Variants in CDC42 observed in about 807,000 individuals in gnomAD.
The protein encoded by CDC42 is cell division control protein 42 homolog.
A neutral mutation model predicts 20.8 loss-of-function variants in CDC42; 1 was observed. The observed-to-expected ratio is 0.05, with a 90% CI of 0.02 to 0.23. The LOEUF is 0.23. Ranked by LOEUF, CDC42 falls within the 10% of genes least tolerant of loss-of-function variation. The probability of loss-of-function intolerance (pLI) is 1.00; values close to 1 mark genes in which losing one functional copy is unlikely to be tolerated. For synonymous variants in CDC42, 72 were observed against 84.8 expected (o/e 0.85, Z 0.83); for missense variants, 49 against 227.9 (o/e 0.21, Z 5.05).
chr1:22,070,490 G>A (rs71638824), intron 1 of CDC42, among the ~76,000 whole-genome samples: 16 of 104,560 alleles, frequency 1.5e-4, no homozygotes, highest in African/African-American at 6.0e-4. Context: ...TTGAGACAGA[G>A]TCTCGCTCTG....
At position 22,082,661 on chromosome 1, in the gene CDC42, T is replaced by C. The variant is rs1437135776; in HGVS notation, c.178+867T>C. On this transcript the variant is annotated intron_variant, in intron 3 of 5. Transcript: ENST00000656825. The stretch of plus-strand genomic sequence containing the variant: ...AAGTTAACATGTTGCTTCCATGGAA[T>C]GTGGTGTTACACTGTGTACCACGAG... Among the ~76,000 whole-genome samples the C allele has an allele frequency of 2.6e-5, 4 of 152,216 alleles. No individual in the cohort carries two copies. In the East Asian group the frequency reaches 7.7e-4, roughly 29 times the overall value.
At chr1:22,075,298 A>G (rs1247552617) in intron 1 of CDC42, among the ~76,000 whole-genome samples, 1 of 152,204 alleles carries the variant, frequency 6.6e-6, no homozygotes, top group Non-Finnish European at 1.5e-5. Context: ...TTGACTCTGA[A>G]ATGACCATCT....
In CDC42 at chr1:22,093,120, T is replaced by A. The variant is rs1179886241; in HGVS notation, c.*1603T>A. 6.6e-6 allele frequency among the ~76,000 whole-genome samples: 1 copy of A among 152,216 alleles called. No individual in the cohort carries two copies. Among genetic ancestry groups the A allele is most frequent in the Non-Finnish European group, 1.5e-5 (1 of 68,044 alleles). On this transcript the variant is annotated 3_prime_UTR_variant, in exon 6 of 6. Coordinates refer to ENST00000656825, the MANE Select transcript of CDC42 (RefSeq NM_001791.4). ...GAGATAATATTTAGCCCTCTATATG[T>A]TCAGGTTTGTGCTTTCTCCTCTAAG...
In CDC42 at chr1:22,096,419, C is replaced by T. The variant is rs547645068; in HGVS notation, c.*4902C>T. 6.6e-6 allele frequency among the ~76,000 whole-genome samples: 1 copy of T among 152,294 alleles called. No individual in the cohort carries two copies. Among genetic ancestry groups the T allele is most frequent in the Admixed American group, 6.5e-5 (1 of 15,298 alleles). On this transcript the variant is annotated 3_prime_UTR_variant, in exon 6 of 6. Coordinates refer to ENST00000656825, the MANE Select transcript of CDC42 (RefSeq NM_001791.4). ...TTGATAGCTGCTTTCTCTTGAATAA[C>T]TATGTCATCTCTTTCCACTTTGCAT...
At chr1:22,071,011 G>A (rs1468967758) in intron 1 of CDC42, among the ~76,000 whole-genome samples, 2 of 151,288 alleles carry the variant, frequency 1.3e-5, no homozygotes, top group Admixed American at 6.6e-5. Context: ...ATTTCTTTAC[G>A]GCACTGAGGA....
chr1:22,081,000 C>G (rs926047998), intron 2 of CDC42, among the ~76,000 whole-genome samples: 3 of 152,104 alleles, frequency 2.0e-5, no homozygotes. Context: ...GAAACTCTGT[C>G]TCTACTAAAA....
intron 1 of CDC42, among the ~76,000 whole-genome samples, chr1:22,068,083 A>C (rs1282330739): frequency 6.6e-6 from 1 of 152,120 alleles, no homozygotes; most frequent in Non-Finnish European, 1.5e-5. Flanking sequence ...CCCTGTCTCA[A>C]AAACAAAAAA....
At position 22,098,523 on chromosome 1, in the gene CDC42, C is replaced by T. The variant is rs1168509304; in HGVS notation, c.*7006C>T. Among the ~76,000 whole-genome samples the T allele has an allele frequency of 2.0e-5, 3 of 152,078 alleles. No homozygotes were observed. The highest frequency in any genetic ancestry group is 4.4e-5 in the Non-Finnish European group (3 of 68,002). ...GTTAAAAGGGTTCTGTGTAATGTTA[C>T]CTAAGAAGCTTATTTTTAAAAAAGG... On this transcript the variant is annotated 3_prime_UTR_variant, in exon 6 of 6. Coordinates refer to ENST00000656825, the MANE Select transcript of CDC42 (RefSeq NM_001791.4).
intron 5 of CDC42, chr1:22,090,035 T>G (rs1645700296): frequency 6.2e-7 from 1 of 1,613,526 alleles, no homozygotes. Context: ...TATTCTAAAC[T>G]GTTTTCTCCT....
intron 1 of CDC42, chr1:22,053,491 A>T (rs1645260920): frequency 6.6e-6 from 1 of 152,172 alleles, no homozygotes; most frequent in Admixed American, 6.5e-5. Flanking sequence ...GGTTTAGCTG[A>T]AGCTTCCCTT....
intron 1 of CDC42, among the ~76,000 whole-genome samples, chr1:22,072,849 G>T (rs886539763): frequency 6.6e-6 from 1 of 152,138 alleles, no homozygotes; most frequent in Admixed American, 6.5e-5. Flanking sequence ...AATATTTGGT[G>T]TATTACCAAA....
At position 22,101,359 on chromosome 1, in the gene CDC42, T is replaced by C. The variant is rs996296060; in HGVS notation, c.*9842T>C. On this transcript the variant is annotated 3_prime_UTR_variant, in exon 6 of 6. Coordinates refer to ENST00000656825, the MANE Select transcript of CDC42 (RefSeq NM_001791.4). ...TCATCTCAATAAAATGAGTTTCTGT[T>C]CCTTTTTGGTTTGTGTCTTTTTTTC... 1 of 152,222 alleles carries C rather than the reference T, an allele frequency of 6.6e-6. No homozygotes were observed. Among genetic ancestry groups the C allele is most frequent in the African/African-American group, 2.4e-5 (1 of 41,456 alleles). 9.4% of individuals were successfully genotyped at this position (152,222 alleles called of 1,614,324 possible).
chr1:22,073,369 T>A (rs1645513432), intron 1 of CDC42, among the ~76,000 whole-genome samples: 2 of 151,822 alleles, frequency 1.3e-5, no homozygotes, highest in Non-Finnish European at 2.9e-5. Flanking sequence ...AAACCCCGTC[T>A]CTACTAAAAA....
chr1:22,063,118 C>G (rs1265944233), intron 1 of CDC42, among the ~76,000 whole-genome samples: 1 of 151,682 alleles, frequency 6.6e-6, no homozygotes, highest in Non-Finnish European at 1.5e-5. Flanking sequence ...TTGTTTGTTT[C>G]TTTTTTCCAC....
chr1:22,084,799 T>A (rs1370472250), intron 3 of CDC42, among the ~76,000 whole-genome samples: 1 of 152,188 alleles, frequency 6.6e-6, no homozygotes, highest in African/African-American at 2.4e-5. Flanking sequence ...AGACCTTTTA[T>A]CCATTTTGAG....
In CDC42 at chr1:22,078,927, C is replaced by A. The variant is rs1485416884; in HGVS notation, c.105+344C>A. ...TTTGATATTTTGGCCAATTATTGAT[C>A]AGTACTTGGAGGTCTCCTGGGATAC... On this transcript the variant is annotated intron_variant, in intron 2 of 5. Coordinates refer to ENST00000656825, the MANE Select transcript of CDC42 (RefSeq NM_001791.4). 3.6e-6 allele frequency: 4 copies of A among 1,106,422 alleles called. No homozygotes were observed. In the East Asian group the frequency reaches 2.3e-4, roughly 64 times the overall value. 68.5% of individuals were successfully genotyped at this position (1,106,422 alleles called of 1,614,324 possible). A position where few individuals can be genotyped will look rare whatever the true frequency, so the allele number is the denominator to read the frequency against.
At chr1:22,086,298 TGC>T in intron 3 of CDC42, 139 bp from the exon 4 acceptor site, 1 of 569,508 alleles carries the variant, frequency 1.8e-6, no homozygotes, top group East Asian at 2.8e-5. Context: ...TTGAGAATAT[TGC>T]CCACATATTA....
chr1:22,065,070 G>C (rs12406669), intron 1 of CDC42, among the ~76,000 whole-genome samples: 18,926 of 152,260 alleles, frequency 0.12, 1,293 homozygotes, highest in Admixed American at 0.18. Flanking sequence ...CTGACAACCT[G>C]TGATGGTGAT....
At chr1:22,055,809 G>C (rs887287148) in intron 1 of CDC42, among the ~76,000 whole-genome samples, 1 of 150,858 alleles carries the variant, frequency 6.6e-6, no homozygotes, top group South Asian at 2.1e-4. Flanking sequence ...GGAAGTAAAA[G>C]ACTAGTTGTG....
Sources: allele counts gnomAD v4.1 joint callset (sites outside exome capture counted in the v4.1 genomes callset), GRCh38; gene constraint gnomAD v4.1.1; transcripts MANE v1.5; gene names NCBI Gene and HGNC (gene_info 2026-07-23, HGNC 2026-07-21).